The following PLCXD3 variants were observed in gnomAD, a reference collection of about 807,000 sequenced individuals.
PLCXD3 encodes phosphatidylinositol specific phospholipase C X domain containing 3, also known as PI-PLC X domain-containing protein 3.
PLCXD3 carries 19 observed loss-of-function variants against 25.5 expected under a neutral mutation model. That is an observed-to-expected ratio of 0.75 (90% CI 0.52 to 1.09). The LOEUF (loss-of-function observed/expected upper bound fraction) is 1.09, where lower values mean the gene tolerates loss of function less well. Ranked by LOEUF, PLCXD3 falls within the 50% of genes least tolerant of loss-of-function variation. The probability of loss-of-function intolerance (pLI) is 0.00; values close to 1 mark genes in which losing one functional copy is unlikely to be tolerated. For missense variants in PLCXD3, 411 were observed against 388.1 expected (o/e 1.06, Z -0.50); for synonymous variants, 174 against 137.6 (o/e 1.26, Z -1.85).
intron 2 of PLCXD3, among the ~76,000 whole-genome samples, chr5:41,374,953 T>A (rs1390855735): frequency 6.6e-6 from 1 of 152,044 alleles, no homozygotes; most frequent in Non-Finnish European, 1.5e-5. Flanking sequence ...AACCTCTAAG[T>A]GAGGCTTTTC....
chr5:41,370,783 C>A (rs1745072023), intron 2 of PLCXD3, among the ~76,000 whole-genome samples: 2 of 152,304 alleles, frequency 1.3e-5, no homozygotes, highest in South Asian at 2.1e-4. Flanking sequence ...GGACAACAAA[C>A]CAATTTGTTG....
rs1020617165 is a variant in PLCXD3, at chr5:41,312,825, C to A, written c.*792G>T. ...TCAATTTTAACACACTTGTACCTTACCATTTACTGGGTACTTGCAGGGCAA... is the reference window on the plus strand; with the variant it reads ...TCAATTTTAACACACTTGTACCTTAACATTTACTGGGTACTTGCAGGGCAA... On this transcript the variant is annotated 3_prime_UTR_variant, in exon 3 of 3. Coordinates refer to ENST00000377801, the MANE Select transcript of PLCXD3 (RefSeq NM_001005473.3). 2.6e-5 allele frequency: 4 copies of A among 152,270 alleles called. No homozygotes were observed. Among genetic ancestry groups the A allele is most frequent in the African/African-American group, 9.7e-5 (4 of 41,322 alleles). 9.4% of individuals were successfully genotyped at this position (152,270 alleles called of 1,614,324 possible).
At chr5:41,487,821 G>T (rs1402257177) in intron 1 of PLCXD3, among the ~76,000 whole-genome samples, 1 of 151,988 alleles carries the variant, frequency 6.6e-6, no homozygotes, top group Non-Finnish European at 1.5e-5. Context: ...TAGTGAGAAA[G>T]GAAAAGGTGA....
Position 41,510,589 on chromosome 5 carries a change from C to A in PLCXD3, c.-63G>T. On this transcript the variant is annotated 5_prime_UTR_variant, in exon 1 of 3. Transcript: ENST00000377801. ...CCTCGGGCAGGCTGGCAGGCTGCTG[C>A]CGCTAATCCAATGTTTGCTCTAGCC... 3 of 1,307,178 alleles carry A rather than the reference C, an allele frequency of 2.3e-6. No individual in the cohort carries two copies. Among genetic ancestry groups the A allele is most frequent in the South Asian group, 2.5e-5 (2 of 79,374 alleles). The allele number at this position is 1,307,178 out of a possible 1,614,324, so 81.0% of individuals were successfully genotyped here.
chr5:41,468,960 T>G (rs1014296517), intron 1 of PLCXD3, among the ~76,000 whole-genome samples: 5 of 152,292 alleles, frequency 3.3e-5, no homozygotes, highest in Non-Finnish European at 7.4e-5. Context: ...GTCTCTGATC[T>G]TCGAGGAAAA....
chr5:41,380,336 C>A (rs1745418692), intron 2 of PLCXD3, among the ~76,000 whole-genome samples: 1 of 152,020 alleles, frequency 6.6e-6, no homozygotes, highest in African/African-American at 2.4e-5. Context: ...TGCGTATTAT[C>A]CCCTTCTGTG....
At chr5:41,443,331 G>A (rs1747424047) in intron 1 of PLCXD3, among the ~76,000 whole-genome samples, 1 of 151,910 alleles carries the variant, frequency 6.6e-6, no homozygotes, top group Admixed American at 6.6e-5. Context: ...TCGGTGCAAT[G>A]TATGCCATAC....
chr5:41,417,288 A>G (rs1001455791), intron 1 of PLCXD3, among the ~76,000 whole-genome samples: 8 of 152,246 alleles, frequency 5.3e-5, no homozygotes, highest in Admixed American at 6.5e-5. Context: ...TGAAGTCTAC[A>G]TTACAAAGAG....
chr5:41,356,520 T>A (rs1033328034), intron 2 of PLCXD3, among the ~76,000 whole-genome samples: 6 of 152,212 alleles, frequency 3.9e-5, no homozygotes, highest in Admixed American at 2.0e-4. Context: ...TTATTCCTTT[T>A]AACTGTTCCT....
intron 1 of PLCXD3, among the ~76,000 whole-genome samples, chr5:41,388,698 A>G (rs905923656): frequency 1.3e-5 from 2 of 152,056 alleles, no homozygotes; most frequent in Non-Finnish European, 2.9e-5. Flanking sequence ...ACTGACACCT[A>G]TACTTTTATT....
At chr5:41,401,031 T>A (rs1336343239) in intron 1 of PLCXD3, among the ~76,000 whole-genome samples, 1 of 151,908 alleles carries the variant, frequency 6.6e-6, no homozygotes, top group African/African-American at 2.4e-5. Flanking sequence ...GAATATAGTG[T>A]GCTTATTTGA....
At chr5:41,490,085 T>A (rs990527913) in intron 1 of PLCXD3, among the ~76,000 whole-genome samples, 3 of 152,244 alleles carry the variant, frequency 2.0e-5, no homozygotes, top group Admixed American at 6.5e-5. Flanking sequence ...CATAGATAGC[T>A]CTTATTATCT....
intron 2 of PLCXD3, among the ~76,000 whole-genome samples, chr5:41,341,504 G>C (rs13357789): frequency 3.3e-5 from 5 of 152,176 alleles, no homozygotes; most frequent in African/African-American, 1.2e-4. Context: ...ACAAATTTAA[G>C]TTGTTCCAAA....
chr5:41,434,138 G>C (rs984908559), intron 1 of PLCXD3, among the ~76,000 whole-genome samples: 5 of 152,178 alleles, frequency 3.3e-5, no homozygotes, highest in Admixed American at 2.6e-4. Context: ...AATAACTGTG[G>C]ATCCTTGTGG....
intron 2 of PLCXD3, among the ~76,000 whole-genome samples, chr5:41,376,761 T>C (rs991909321): frequency 6.6e-6 from 1 of 152,128 alleles, no homozygotes; most frequent in African/African-American, 2.4e-5. Context: ...TATTGCATGT[T>C]CTTGTCTTTT....
At chr5:41,463,032 T>G (rs1442090956) in intron 1 of PLCXD3, among the ~76,000 whole-genome samples, 1 of 151,942 alleles carries the variant, frequency 6.6e-6, no homozygotes, top group Non-Finnish European at 1.5e-5. Context: ...GCTAGACTGA[T>G]TTGAGTAGGA....
chr5:41,442,179 C>T (rs1009324236), intron 1 of PLCXD3, among the ~76,000 whole-genome samples: 10 of 152,128 alleles, frequency 6.6e-5, no homozygotes, highest in African/African-American at 1.9e-4. Flanking sequence ...CTCTCTATGC[C>T]ATGATAATAG....
In PLCXD3 at chr5:41,320,715, C is replaced by T. The variant is rs1299578265; in HGVS notation, c.813-6945G>A. 2.6e-5 allele frequency among the ~76,000 whole-genome samples: 4 copies of T among 152,182 alleles called. No homozygotes were observed. In the South Asian group the frequency reaches 8.3e-4, roughly 32 times the overall value. On this transcript the variant is annotated intron_variant, in intron 2 of 2. Coordinates refer to ENST00000377801, the MANE Select transcript of PLCXD3 (RefSeq NM_001005473.3). ...TTTTCACTGTGTTAGCCAGGATGGT[C>T]TCGATCTCCTGACCTCGTGATCCGT...
rs1351894058 is a variant in PLCXD3, at chr5:41,309,780, A to G, written c.*3837T>C. ...TTCTCTAATTTGAAGTGAAATTGAG[A>G]ATTTAGATAGACTGTTCGTGCCAGG... On this transcript the variant is annotated 3_prime_UTR_variant, in exon 3 of 3. Coordinates refer to ENST00000377801, the MANE Select transcript of PLCXD3 (RefSeq NM_001005473.3). 1 of 152,128 alleles carries G rather than the reference A, an allele frequency of 6.6e-6. No homozygotes were observed. Among genetic ancestry groups the G allele is most frequent in the Non-Finnish European group, 1.5e-5 (1 of 67,998 alleles). 9.4% of individuals were successfully genotyped at this position (152,128 alleles called of 1,614,324 possible).
Sources: allele counts gnomAD v4.1 joint callset (sites outside exome capture counted in the v4.1 genomes callset), GRCh38; gene constraint gnomAD v4.1.1; transcripts MANE v1.5; gene names NCBI Gene and HGNC (gene_info 2026-07-23, HGNC 2026-07-21).